LSM3: variants seen among roughly 807,000 people sequenced by gnomAD.
The protein encoded by LSM3 is U6 snRNA-associated Sm-like protein LSm3.
LSM3 carries 14 observed loss-of-function variants against 15.4 expected under a neutral mutation model. That is an observed-to-expected ratio of 0.91 (90% CI 0.60 to 1.42). LSM3 has a LOEUF of 1.42. LSM3 is among the 40% of genes most tolerant of loss of function. The pLI, the probability that LSM3 is intolerant of heterozygous loss-of-function variation, is 0.00. For missense variants in LSM3, 88 were observed against 127.9 expected (o/e 0.69, Z 1.50); for synonymous variants, 46 against 45.1 (o/e 1.02, Z -0.08).
chr3:14,185,163 C>T (rs570942989), intron 3 of LSM3, among the ~76,000 whole-genome samples: 2 of 152,110 alleles, frequency 1.3e-5, no homozygotes, highest in Admixed American at 6.5e-5. Context: ...CCACCCTGGC[C>T]AACATGGCAA....
At chr3:14,180,489 A>G (rs148235687) in intron 1 of LSM3, among the ~76,000 whole-genome samples, 3 of 152,178 alleles carry the variant, frequency 2.0e-5, no homozygotes, top group Admixed American at 6.5e-5. Context: ...GGGTTTCACC[A>G]TGTTGGCCAG....
In LSM3 at chr3:14,183,987, GACT is replaced by G; in HGVS notation, c.188_190del (p.Thr63del). 1.9e-6 allele frequency: 3 copies of G among 1,608,732 alleles called. No homozygotes were observed. The highest frequency in any genetic ancestry group is 2.5e-6 in the Non-Finnish European group (3 of 1,178,702). On this transcript the variant is annotated inframe_deletion, in exon 3 of 4. Transcript: ENST00000306024. Reference sequence around the variant, plus strand: ...TCTTGGGAGATGTGGAAGAAACTGTGACTACTATAGAAATTGATGAAGAAACAT... The same window carrying G: ...TCTTGGGAGATGTGGAAGAAACTGTGACTATAGAAATTGATGAAGAAACAT...
intron 3 of LSM3, 82 bp downstream of exon 3, chr3:14,184,114 C>A: frequency 6.8e-7 from 1 of 1,465,584 alleles, no homozygotes. Flanking sequence ...TATGGGAAGC[C>A]TGTCATGTTT....
Position 14,198,203 on chromosome 3 carries a change from A to G in LSM3, c.*87A>G, listed in dbSNP as rs1014448877. The G allele has an allele frequency of 2.2e-6, 2 of 920,906 alleles. No individual in the cohort carries two copies. The highest frequency in any genetic ancestry group is 4.0e-5 in the Admixed American group (2 of 49,408). 57.0% of individuals were successfully genotyped at this position (920,906 alleles called of 1,614,324 possible). A position where few individuals can be genotyped will look rare whatever the true frequency, so the allele number is the denominator to read the frequency against. On this transcript the variant is annotated 3_prime_UTR_variant, in exon 4 of 4. Transcript: ENST00000306024. ...CAAAACATTCATAAGAGAAACCTGC[A>G]TACATTTTGATATTAAGAAATAATT... is the stretch of plus-strand genomic sequence containing the variant.
At position 14,185,932 on chromosome 3, in the gene LSM3, T is replaced by A. The variant is rs79673921; in HGVS notation, c.228+1900T>A. On this transcript the variant is annotated intron_variant, in intron 3 of 3. Coordinates refer to ENST00000306024, the MANE Select transcript of LSM3 (RefSeq NM_014463.3). ...TGTCAGAAAGGTCTTTTTTTTTTTT[T>A]AAAGACAGTCTGACTGTGTCACCCA... is the stretch of plus-strand genomic sequence containing the variant. 7.8e-3 allele frequency among the ~76,000 whole-genome samples: 1,181 copies of A among 151,650 alleles called. 20 individuals are homozygous for A. The highest frequency in any genetic ancestry group is 0.025 in the African/African-American group (1,022 of 41,418).
At position 14,200,057 on chromosome 3, in the gene LSM3, T is replaced by C. The variant is rs1354972442; in HGVS notation, c.*1941T>C. ...CTTCATTCTTAGTTATCTTTCTCCT[T>C]TTTCTCCTGGAACTGATAGTTTACA... On this transcript the variant is annotated 3_prime_UTR_variant, in exon 4 of 4. Coordinates refer to ENST00000306024, the MANE Select transcript of LSM3 (RefSeq NM_014463.3). The C allele has an allele frequency of 6.6e-6, 1 of 152,224 alleles. No individual in the cohort carries two copies. The highest frequency in any genetic ancestry group is 2.4e-5 in the African/African-American group (1 of 41,454). The allele number at this position is 152,224 out of a possible 1,614,324, so 9.4% of individuals were successfully genotyped here. A position where few individuals can be genotyped will look rare whatever the true frequency, so the allele number is the denominator to read the frequency against.
At chr3:14,185,533 T>C (rs1338505460) in intron 3 of LSM3, among the ~76,000 whole-genome samples, 1 of 152,264 alleles carries the variant, frequency 6.6e-6, no homozygotes, top group Non-Finnish European at 1.5e-5. Context: ...ATATCTTTTT[T>C]CTGCGTTAAA....
At chr3:14,190,748 ACTT>A (rs1697131948) in intron 3 of LSM3, among the ~76,000 whole-genome samples, 1 of 152,064 alleles carries the variant, frequency 6.6e-6, no homozygotes, top group South Asian at 2.1e-4. Flanking sequence ...AGAAAATTTG[ACTT>A]CCTCTCTTCC....
At chr3:14,195,133 T>C (rs1158004946) in intron 3 of LSM3, among the ~76,000 whole-genome samples, 1 of 152,172 alleles carries the variant, frequency 6.6e-6, no homozygotes, top group Non-Finnish European at 1.5e-5. Context: ...CCCAGACTCC[T>C]TGTGTCTTCT....
intron 3 of LSM3, among the ~76,000 whole-genome samples, chr3:14,194,750 T>G (rs1697172764): frequency 6.6e-6 from 1 of 150,606 alleles, no homozygotes; most frequent in African/African-American, 2.4e-5. Flanking sequence ...TTAATACTTT[T>G]CTCTGATATT....
At chr3:14,183,591 A>T (rs558831065) in intron 2 of LSM3, among the ~76,000 whole-genome samples, 5 of 152,354 alleles carry the variant, frequency 3.3e-5, no homozygotes, top group African/African-American at 1.2e-4. Context: ...AATGATGAAG[A>T]TGAATCTGCT....
At chr3:14,180,666 A>G (rs1226825049) in intron 1 of LSM3, among the ~76,000 whole-genome samples, 1 of 151,962 alleles carries the variant, frequency 6.6e-6, no homozygotes. Context: ...TTTAATCCTC[A>G]TAAGAACCCA....
intron 3 of LSM3, among the ~76,000 whole-genome samples, chr3:14,191,920 T>C (rs1697143544): frequency 6.6e-6 from 1 of 152,236 alleles, no homozygotes; most frequent in South Asian, 2.1e-4. Flanking sequence ...GGGCATTTAG[T>C]GCTATAAATT....
intron 3 of LSM3, among the ~76,000 whole-genome samples, chr3:14,185,307 G>A (rs1398394874): frequency 2.0e-5 from 3 of 152,092 alleles, no homozygotes; most frequent in African/African-American, 4.8e-5. Flanking sequence ...AGCTGAGATC[G>A]TGCTACTGTA....
At chr3:14,191,087 A>G (rs529771597) in intron 3 of LSM3, among the ~76,000 whole-genome samples, 2 of 152,080 alleles carry the variant, frequency 1.3e-5, no homozygotes, top group Admixed American at 1.3e-4. Flanking sequence ...GATGGGTTAC[A>G]TTGATTTGCA....
chr3:14,179,422 G>C (rs1574985798), intron 1 of LSM3, among the ~76,000 whole-genome samples: 1 of 152,202 alleles, frequency 6.6e-6, no homozygotes. Context: ...CTGGTATGCA[G>C]AATAACAGAT....
intron 3 of LSM3, among the ~76,000 whole-genome samples, chr3:14,192,591 G>C (rs940259106): frequency 3.3e-5 from 5 of 152,180 alleles, no homozygotes; most frequent in African/African-American, 1.2e-4. Flanking sequence ...TTACAGATTA[G>C]AATTGCAACT....
At chr3:14,184,126 G>A (rs1315433711) in intron 3 of LSM3, 94 bp downstream of exon 3, 2 of 1,432,466 alleles carry the variant, frequency 1.4e-6, no homozygotes, top group South Asian at 1.5e-5. Flanking sequence ...GTCATGTTTT[G>A]ACACCTACTT....
chr3:14,185,371 C>CAAAACA (rs1553609259), intron 3 of LSM3, among the ~76,000 whole-genome samples: 22 of 150,572 alleles, frequency 1.5e-4, no homozygotes, highest in African/African-American at 4.6e-4. Flanking sequence ...CAAAACAAAA[C>CAAAACA]AAAAAAAAAC....
Sources: allele counts gnomAD v4.1 joint callset (sites outside exome capture counted in the v4.1 genomes callset), GRCh38; gene constraint gnomAD v4.1.1; transcripts MANE v1.5; gene names NCBI Gene and HGNC (gene_info 2026-07-23, HGNC 2026-07-21).